Variants in SYT7 observed in about 807,000 individuals in gnomAD.
The protein encoded by SYT7 is synaptotagmin 7, also known as synaptotagmin-7.
A neutral mutation model predicts 75.1 loss-of-function variants in SYT7; 29 were observed. The ratio of observed to expected loss-of-function variants is 0.39; its 90% confidence interval spans 0.29 to 0.53. The LOEUF (loss-of-function observed/expected upper bound fraction) is 0.53. Ranked by LOEUF, SYT7 falls within the 20% of genes least tolerant of loss-of-function variation. The pLI is 0.77. For synonymous variants in SYT7, 376 were observed against 401.7 expected (o/e 0.94, Z 0.76); for missense variants, 693 against 953.2 (o/e 0.73, Z 3.59).
At position 61,523,712 on chromosome 11, in the gene SYT7, G is replaced by A; in HGVS notation, c.1756+115C>T. On this transcript the variant is annotated intron_variant, in intron 11 of 12. Coordinates refer to ENST00000539008, the MANE Select transcript of SYT7 (RefSeq NM_001365809.2). This position sits in a 1 kb window ranked among gnomAD's most constrained non-coding sequence, Gnocchi z 5.0. ...GTAAGGAGTGAGGACTGGAGGTCGG[G>A]GTGTGGCGGGTTGGGGTGAGGACCA... 2 of 1,055,446 alleles carry A rather than the reference G, an allele frequency of 1.9e-6. No individual in the cohort carries two copies. Among genetic ancestry groups the A allele is most frequent in the Non-Finnish European group, 2.8e-6 (2 of 713,264 alleles). The allele number at this position is 1,055,446 out of a possible 1,614,324, so 65.4% of individuals were successfully genotyped here. A position where few individuals can be genotyped will look rare whatever the true frequency, so the allele number is the denominator to read the frequency against.
intron 2 of SYT7, among the ~76,000 whole-genome samples, chr11:61,554,309 C>A (rs898841273): frequency 6.6e-6 from 1 of 151,676 alleles, no homozygotes; most frequent in Non-Finnish European, 1.5e-5. Context: ...CACCCACACC[C>A]ACACACACAC....
At position 61,513,764 on chromosome 11, in the gene SYT7, A is replaced by C. The variant is rs2062100459; in HGVS notation, c.*4863T>G. On this transcript the variant is annotated 3_prime_UTR_variant, in exon 13 of 13. Coordinates refer to ENST00000539008, the MANE Select transcript of SYT7 (RefSeq NM_001365809.2). ...TAGCACACCTGGGCGTGCCACATGG[A>C]ACATGTATGCAGACAGGGATCCCTG... Among the ~76,000 whole-genome samples the C allele has an allele frequency of 6.6e-6, 1 of 152,196 alleles. No homozygotes were observed. The highest frequency in any genetic ancestry group is 1.5e-5 in the Non-Finnish European group (1 of 68,040).
chr11:61,567,450 C>T (rs777031957), intron 1 of SYT7, among the ~76,000 whole-genome samples: 4 of 152,188 alleles, frequency 2.6e-5, no homozygotes, highest in East Asian at 1.9e-4. Context: ...TTCCAGGTCG[C>T]CCTTTGCGCA....
At position 61,542,499 on chromosome 11, in the gene SYT7, G is replaced by A. The variant is rs1177940496; in HGVS notation, c.653C>T (p.Pro218Leu). 3.9e-6 allele frequency: 6 copies of A among 1,532,414 alleles called. No individual in the cohort carries two copies. The highest frequency in any genetic ancestry group is 2.6e-6 in the Non-Finnish European group (3 of 1,145,646). The allele number at this position is 1,532,414 out of a possible 1,614,324, so 94.9% of individuals were successfully genotyped here. The change falls in exon 6 of 13, where the codon CCC becomes CTC. Residue 218 changes from proline to leucine, a missense_variant. This residue lies in a region of SYT7 where 487 missense variants were observed against 593.2 expected (regional missense o/e 0.82). Coordinates refer to ENST00000539008, the MANE Select transcript of SYT7 (RefSeq NM_001365809.2). The surrounding 1 kb of genome is among the most constrained non-coding windows in gnomAD (Gnocchi z 7.8). ...GCTCTGCTGCCGCATCAGGGTGCGG[G>A]GTCGCTGGCATTTCGGCTCTCCCGT... The part of the protein sequence containing the change: ...SSTGEPKCQR[P>L]RTLMRQQSLQ...
rs2063173543 is a variant in SYT7, at chr11:61,546,039, G to A, written c.564C>T (p.Asn188=). Residue 188 remains asparagine, a synonymous_variant, in exon 5 of 13, where the codon AAC becomes AAT. Coordinates refer to ENST00000539008, the MANE Select transcript of SYT7 (RefSeq NM_001365809.2). This position sits in a 1 kb window ranked among gnomAD's most constrained non-coding sequence, Gnocchi z 7.6. The stretch of plus-strand genomic sequence containing the variant: ...GGGGCGCCATCACTCACTTGGACAA[G>A]TTGAGCTTCCCTGCGGCCAGGTGGC... ...VQSHLAAGKL[N]LSNFEDSTLS... The A allele has an allele frequency of 6.5e-7, 1 of 1,533,388 alleles. No homozygotes were observed. The highest frequency in any genetic ancestry group is 8.7e-7 in the Non-Finnish European group (1 of 1,145,712). 95.0% of individuals were successfully genotyped at this position (1,533,388 alleles called of 1,614,324 possible). A position where few individuals can be genotyped will look rare whatever the true frequency, so the allele number is the denominator to read the frequency against.
Position 61,523,240 on chromosome 11 carries a change from G to T in SYT7, c.1791C>A (p.Asp597Glu). 1 of 1,614,186 alleles carries T rather than the reference G, an allele frequency of 6.2e-7. No individual in the cohort carries two copies. The highest frequency in any genetic ancestry group is 8.5e-7 in the Non-Finnish European group (1 of 1,180,046). The change falls in exon 12 of 13, where the codon GAC (aspartate) becomes GAA (glutamate). Residue 597 changes from aspartate (D) to glutamate (E), a missense_variant. Transcript: ENST00000539008. The surrounding 1 kb of genome is among the most constrained non-coding windows in gnomAD (Gnocchi z 5.0). ...CCGTCTTCTTCTTCTCCACCCGCTT[G>T]TCCTTGTACATCAGCCATACCTTCA... is the stretch of plus-strand genomic sequence containing the variant. Reference protein sequence around the residue: ...PYVKVWLMYKDKRVEKKKTVT... With the variant: ...PYVKVWLMYKEKRVEKKKTVT...
rs542657552 is a variant in SYT7 at position 61,542,304 on chromosome 11, C to T, written c.848G>A (p.Arg283Gln). The T allele has an allele frequency of 2.1e-4, 319 of 1,533,898 alleles. No individual in the cohort carries two copies. In the South Asian group the frequency reaches 2.5e-3, roughly 12 times the overall value. ...RQGTSAGSKY[R>Q]AAGGRSRSNP... ...GGAGCGGCTGCGGCCCCCTGCCGCC[C>T]GGTACTTGGAGCCGGCCGAGGTGCC... The change falls in exon 6 of 13, where the codon CGG becomes CAG. Residue 283 changes from arginine to glutamine, a missense_variant. By Grantham distance (43) the Arg-to-Gln change is conservative. Coordinates refer to ENST00000539008, the MANE Select transcript of SYT7 (RefSeq NM_001365809.2). This position sits in a 1 kb window ranked among gnomAD's most constrained non-coding sequence, Gnocchi z 7.8.
chr11:61,535,966 T>C (rs954139124), intron 7 of SYT7, among the ~76,000 whole-genome samples: 1 of 151,524 alleles, frequency 6.6e-6, no homozygotes, highest in Non-Finnish European at 1.5e-5. Context: ...CTCAGAGGGG[T>C]GGGGCCCTAA....
intron 6 of SYT7, among the ~76,000 whole-genome samples, chr11:61,538,522 G>C (rs1235695406): frequency 6.6e-6 from 1 of 152,216 alleles, no homozygotes; most frequent in Non-Finnish European, 1.5e-5. Flanking sequence ...CAGGGAGGGA[G>C]GGGAGTTGAC....
At chr11:61,544,882 G>A (rs1015473777) in intron 5 of SYT7, among the ~76,000 whole-genome samples, 7 of 152,178 alleles carry the variant, frequency 4.6e-5, no homozygotes, top group African/African-American at 1.4e-4. Context: ...AAGAGATCTT[G>A]GTACGGTGGC....
chr11:61,557,798 C>T (rs1490255028), intron 1 of SYT7, among the ~76,000 whole-genome samples: 1 of 152,244 alleles, frequency 6.6e-6, no homozygotes, highest in Admixed American at 6.5e-5. Flanking sequence ...CCTGCCCCTC[C>T]CTCTCCTGGG....
intron 8 of SYT7, among the ~76,000 whole-genome samples, chr11:61,528,692 G>A (rs191025751): frequency 2.8e-4 from 42 of 152,266 alleles, no homozygotes; most frequent in Non-Finnish European, 5.0e-4. Context: ...TCTAGGGTGC[G>A]GAGAATGGTG....
At chr11:61,534,500 A>G (rs1381879926) in intron 7 of SYT7, among the ~76,000 whole-genome samples, 1 of 152,056 alleles carries the variant, frequency 6.6e-6, no homozygotes, top group Non-Finnish European at 1.5e-5. Flanking sequence ...AGCCCCACAG[A>G]CATCCAGAGG....
intron 12 of SYT7, among the ~76,000 whole-genome samples, chr11:61,519,093 A>G (rs534625414): frequency 6.6e-6 from 1 of 152,002 alleles, no homozygotes; most frequent in South Asian, 2.1e-4. Flanking sequence ...ATCATTCCCA[A>G]CTCCTGGGCA....
the SYT7 span, among the ~76,000 whole-genome samples, chr11:61,587,939 A>G: frequency 6.6e-6 from 1 of 152,174 alleles, no homozygotes; most frequent in Non-Finnish European, 1.5e-5. Flanking sequence ...GGCGGGGGAC[A>G]TGACTCTCTG....
intron 8 of SYT7, among the ~76,000 whole-genome samples, chr11:61,532,024 G>C (rs2062728671): frequency 6.6e-6 from 1 of 152,108 alleles, no homozygotes; most frequent in South Asian, 2.1e-4. Context: ...CAGGCTAGAA[G>C]GGGCAGTGGG....
At chr11:61,578,113 A>C (rs2064135887) in intron 1 of SYT7, among the ~76,000 whole-genome samples, 1 of 152,094 alleles carries the variant, frequency 6.6e-6, no homozygotes, top group Non-Finnish European at 1.5e-5. Flanking sequence ...CTGGGTGTGC[A>C]TGGGAGGGGG....
chr11:61,524,315 G>C lies in SYT7; in HGVS notation c.1641+48C>G, dbSNP rs1473648996. The C allele has an allele frequency of 6.2e-7, 1 of 1,604,564 alleles. No homozygotes were observed. Among genetic ancestry groups the C allele is most frequent in the Non-Finnish European group, 8.5e-7 (1 of 1,174,940 alleles). On this transcript the variant is annotated intron_variant, in intron 10 of 12. Transcript: ENST00000539008. The surrounding 1 kb of genome is among the most constrained non-coding windows in gnomAD (Gnocchi z 4.1). ...CAAGGGTCTGGGACCAGATCTCCCA[G>C]CCCTGCCCTGCTGCCTGTCCAGCTA...
At chr11:61,559,042 C>T (rs569386775) in intron 1 of SYT7, among the ~76,000 whole-genome samples, 19 of 152,156 alleles carry the variant, frequency 1.2e-4, no homozygotes, top group African/African-American at 4.3e-4. Flanking sequence ...CTGTGCCCAG[C>T]CCCACCTCTG....
Sources: allele counts gnomAD v4.1 joint callset (sites outside exome capture counted in the v4.1 genomes callset), GRCh38; gene constraint gnomAD v4.1.1; regional missense constraint gnomAD v4.1.1; non-coding constraint Gnocchi (gnomAD v3.1); transcripts MANE v1.5; gene names NCBI Gene and HGNC (gene_info 2026-07-23, HGNC 2026-07-21).